Variants in KHDRBS2 observed in about 807,000 individuals in gnomAD.
KHDRBS2 encodes the protein KH RNA binding domain containing, signal transduction associated 2, also known as KH domain-containing, RNA-binding, signal transduction-associated protein 2.
A neutral mutation model predicts 44.3 loss-of-function variants in KHDRBS2; 26 were observed. That is an observed-to-expected ratio of 0.59 (90% CI 0.43 to 0.81). KHDRBS2 has a LOEUF of 0.81. Ranked by LOEUF, KHDRBS2 falls within the 40% of genes least tolerant of loss-of-function variation. The pLI is 0.00. For missense variants in KHDRBS2, 476 were observed against 433.1 expected (o/e 1.10, Z -0.88); for synonymous variants, 194 against 151.1 (o/e 1.28, Z -2.08).
At chr6:61,732,904 A>G in intron 6 of KHDRBS2, 140 bp from the exon 7 acceptor site, 1 of 603,794 alleles carries the variant, frequency 1.7e-6, no homozygotes, top group Non-Finnish European at 3.0e-6. Context: ...ATTTTACTAG[A>G]TTAATGATTC....
intron 1 of KHDRBS2, among the ~76,000 whole-genome samples, chr6:62,266,836 G>GA (rs1186109647): frequency 4.6e-5 from 7 of 151,906 alleles, no homozygotes; most frequent in African/African-American, 1.4e-4. Flanking sequence ...GTTTGAAAAG[G>GA]AAAAAATTTA....
At chr6:62,186,591 A>G (rs567959309) in intron 1 of KHDRBS2, among the ~76,000 whole-genome samples, 2 of 128,404 alleles carry the variant, frequency 1.6e-5, no homozygotes, top group East Asian at 4.5e-4. Context: ...TCATTTAAAT[A>G]TGAAATAGGA....
At chr6:61,791,457 TC>T (rs1434848614) in intron 6 of KHDRBS2, among the ~76,000 whole-genome samples, 1 of 151,558 alleles carries the variant, frequency 6.6e-6, no homozygotes, top group African/African-American at 2.4e-5. Flanking sequence ...AAATATTTTT[TC>T]ATAGCCATTT....
intron 5 of KHDRBS2, among the ~76,000 whole-genome samples, chr6:61,900,697 A>G (rs569375793): frequency 9.6e-4 from 146 of 152,304 alleles, no homozygotes; most frequent in African/African-American, 3.3e-3. Flanking sequence ...TTCTGGGCTG[A>G]TGGCATATAT....
At chr6:61,792,389 A>G (rs1329329291) in intron 6 of KHDRBS2, among the ~76,000 whole-genome samples, 2 of 151,516 alleles carry the variant, frequency 1.3e-5, no homozygotes, top group Non-Finnish European at 3.0e-5. Flanking sequence ...CAATCCTCTT[A>G]TTTATTCTTG....
chr6:62,088,779 C>A (rs574694093), intron 2 of KHDRBS2, among the ~76,000 whole-genome samples: 2 of 152,182 alleles, frequency 1.3e-5, no homozygotes, highest in African/African-American at 4.8e-5. Flanking sequence ...CTCTTCAGAG[C>A]CGGCAGGCAG....
intron 2 of KHDRBS2, among the ~76,000 whole-genome samples, chr6:62,076,598 T>A (rs1264245242): frequency 6.6e-6 from 1 of 152,026 alleles, no homozygotes; most frequent in Non-Finnish European, 1.5e-5. Context: ...ATTAAATTAT[T>A]TAAATGCCAG....
intron 2 of KHDRBS2, among the ~76,000 whole-genome samples, chr6:62,101,304 G>A (rs566910878): frequency 2.6e-5 from 4 of 152,180 alleles, no homozygotes; most frequent in African/African-American, 9.6e-5. Flanking sequence ...TGCAGCAGTG[G>A]ATGCTGCAAA....
At chr6:61,844,083 T>C (rs1413640948) in intron 6 of KHDRBS2, among the ~76,000 whole-genome samples, 1 of 152,168 alleles carries the variant, frequency 6.6e-6, no homozygotes, top group Admixed American at 6.5e-5. Context: ...AAGGATGTTG[T>C]TTCTACTTTC....
At chr6:62,058,624 G>T (rs1790870250) in intron 2 of KHDRBS2, among the ~76,000 whole-genome samples, 1 of 151,850 alleles carries the variant, frequency 6.6e-6, no homozygotes, top group South Asian at 2.1e-4. Context: ...AACATTTCAG[G>T]TATTCATAGT....
chr6:62,207,211 G>A (rs1287948248), intron 1 of KHDRBS2, among the ~76,000 whole-genome samples: 12 of 152,116 alleles, frequency 7.9e-5, no homozygotes, highest in Admixed American at 6.6e-4. Flanking sequence ...GGAAAAAAGT[G>A]TAAAGATTCT....
chr6:61,545,678 T>C, the KHDRBS2 span, among the ~76,000 whole-genome samples: 4 of 152,154 alleles, frequency 2.6e-5, no homozygotes, highest in South Asian at 8.3e-4. Flanking sequence ...GACTGAATGT[T>C]TGCATCTGTG....
At chr6:61,877,786 A>G (rs937747862) in intron 6 of KHDRBS2, among the ~76,000 whole-genome samples, 5 of 151,938 alleles carry the variant, frequency 3.3e-5, no homozygotes, top group African/African-American at 1.2e-4. Context: ...ATCTGTAGTC[A>G]TTACATGATT....
In KHDRBS2 at chr6:61,749,127, T is replaced by C. The variant is rs1164524718; in HGVS notation, c.811-16363A>G. ...TCCCAGGTTCACACCATTGTCCTGC[T>C]TCAGCCTCCCGAGTAGCTGGGACTA... On this transcript the variant is annotated intron_variant, in intron 6 of 8. Transcript: ENST00000281156. 4.0e-5 allele frequency among the ~76,000 whole-genome samples: 6 copies of C among 150,882 alleles called. No homozygotes were observed. In the East Asian group the frequency reaches 9.8e-4, roughly 25 times the overall value.
the KHDRBS2 span, among the ~76,000 whole-genome samples, chr6:61,577,096 G>C: frequency 2.0e-5 from 3 of 150,184 alleles, no homozygotes; most frequent in Non-Finnish European, 4.4e-5. Flanking sequence ...CCTGGTAGTT[G>C]TGTTTTATTT....
chr6:62,041,006 A>G (rs1318475293), intron 3 of KHDRBS2, among the ~76,000 whole-genome samples: 1 of 152,028 alleles, frequency 6.6e-6, no homozygotes, highest in East Asian at 1.9e-4. Flanking sequence ...GCCCCTTTCC[A>G]TATTGGTTAT....
At chr6:62,194,649 C>G (rs1449630560) in intron 1 of KHDRBS2, among the ~76,000 whole-genome samples, 1 of 150,714 alleles carries the variant, frequency 6.6e-6, no homozygotes, top group African/African-American at 2.4e-5. Context: ...AAAGTTGCGC[C>G]CGCCACCACA....
chr6:61,985,791 G>A (rs1219716554), intron 3 of KHDRBS2, among the ~76,000 whole-genome samples: 3 of 152,036 alleles, frequency 2.0e-5, no homozygotes, highest in Admixed American at 6.6e-5. Flanking sequence ...TTCCCTTCAC[G>A]GGCATCCTGA....
chr6:61,724,502 A>G, intron 7 of KHDRBS2, among the ~76,000 whole-genome samples: 1 of 152,186 alleles, frequency 6.6e-6, no homozygotes, highest in East Asian at 1.9e-4. Context: ...TGCCCCAATT[A>G]AAAGACAGAA....
Sources: allele counts gnomAD v4.1 joint callset (sites outside exome capture counted in the v4.1 genomes callset), GRCh38; gene constraint gnomAD v4.1.1; transcripts MANE v1.5; gene names NCBI Gene and HGNC (gene_info 2026-07-23, HGNC 2026-07-21).